CNOT10: variants seen among roughly 807,000 people sequenced by gnomAD.
CNOT10 encodes CCR4-NOT transcription complex, subunit 10.
CNOT10 carries 30 observed loss-of-function variants against 94.6 expected under a neutral mutation model. The observed-to-expected ratio is 0.32, with a 90% CI of 0.24 to 0.43. CNOT10 has a LOEUF of 0.43. Ranked by LOEUF, CNOT10 falls within the 20% of genes least tolerant of loss-of-function variation. CNOT10 has a pLI of 1.00. For synonymous variants in CNOT10, 289 were observed against 301.6 expected (o/e 0.96, Z 0.43); for missense variants, 759 against 877.2 (o/e 0.87, Z 1.70).
At position 32,773,687 on chromosome 3, in the gene CNOT10, A is replaced by G. The variant is rs951763041; in HGVS notation, c.*76A>G. 6.3e-6 allele frequency: 9 copies of G among 1,426,638 alleles called. No individual in the cohort carries two copies. The African/African-American group carries it at 1.2e-4, about 18-fold the overall frequency. 88.4% of individuals were successfully genotyped at this position (1,426,638 alleles called of 1,614,324 possible). The stretch of plus-strand genomic sequence containing the variant: ...GCCATTTTAGTTGTATCACAGCAGA[A>G]TGAATAAAAGATGGTGAAGGCTGTT... On this transcript the variant is annotated 3_prime_UTR_variant, in exon 19 of 19. Coordinates refer to ENST00000328834, the MANE Select transcript of CNOT10 (RefSeq NM_015442.3).
intron 7 of CNOT10, among the ~76,000 whole-genome samples, chr3:32,717,939 A>G (rs1015724527): frequency 6.6e-6 from 1 of 152,166 alleles, no homozygotes; most frequent in Non-Finnish European, 1.5e-5. Context: ...TGCCCCTTCC[A>G]AGTGACTTTT....
chr3:32,728,118 T>G (rs1698768039), intron 10 of CNOT10, among the ~76,000 whole-genome samples: 1 of 151,940 alleles, frequency 6.6e-6, no homozygotes, highest in Non-Finnish European at 1.5e-5. Context: ...TGCCTCAGCC[T>G]CCCAAATAGC....
rs189393528 is a variant in CNOT10 at position 32,705,164 on chromosome 3, T to C, written c.279+192T>C. Among the ~76,000 whole-genome samples the C allele has an allele frequency of 4.7e-4, 71 of 152,280 alleles. No individual in the cohort carries two copies. In the East Asian group the frequency reaches 0.011, roughly 23 times the overall value. The stretch of plus-strand genomic sequence containing the variant: ...TATGTTGTGGGATCATTTTTTTTAA[T>C]TGGGGTTTTAATGAACTTGAACAGA... On this transcript the variant is annotated intron_variant, in intron 3 of 18. Transcript: ENST00000328834.
intron 13 of CNOT10, among the ~76,000 whole-genome samples, chr3:32,739,115 A>C (rs1236344696): frequency 6.6e-6 from 1 of 152,068 alleles, no homozygotes; most frequent in Non-Finnish European, 1.5e-5. Context: ...CATGTTAGCC[A>C]GGCTGGTCTC....
At chr3:32,701,170 G>T (rs1208363625) in intron 1 of CNOT10, among the ~76,000 whole-genome samples, 1 of 152,224 alleles carries the variant, frequency 6.6e-6, no homozygotes, top group East Asian at 1.9e-4. Context: ...AGCTACTTGG[G>T]AGGCTGAGCC....
intron 13 of CNOT10, among the ~76,000 whole-genome samples, chr3:32,751,312 C>G (rs970037627): frequency 2.0e-5 from 3 of 151,944 alleles, no homozygotes; most frequent in African/African-American, 7.3e-5. Flanking sequence ...CACTGTATCG[C>G]CCAGGCTGGT....
chr3:32,721,481 G>A (rs1698407971), intron 8 of CNOT10, among the ~76,000 whole-genome samples: 1 of 108,476 alleles, frequency 9.2e-6, no homozygotes, highest in Non-Finnish European at 1.7e-5. Flanking sequence ...TACCAGAAAA[G>A]TGAGGCCTTT....
chr3:32,718,311 G>A (rs1361298323), intron 7 of CNOT10, among the ~76,000 whole-genome samples: 2 of 145,954 alleles, frequency 1.4e-5, no homozygotes, highest in South Asian at 2.2e-4. Flanking sequence ...CTAGCCAGGC[G>A]CGGTGGCTCA....
intron 13 of CNOT10, chr3:32,753,563 G>A (rs1700058334): frequency 6.3e-7 from 1 of 1,586,412 alleles, no homozygotes; most frequent in South Asian, 1.1e-5. Context: ...GAGGCTGTGA[G>A]ATGGGAAAAG....
intron 4 of CNOT10, among the ~76,000 whole-genome samples, chr3:32,711,008 A>G (rs1186855827): frequency 6.6e-6 from 1 of 152,204 alleles, no homozygotes; most frequent in Non-Finnish European, 1.5e-5. Flanking sequence ...GTGAACCACC[A>G]TGCCTAGCCA....
intron 4 of CNOT10, among the ~76,000 whole-genome samples, chr3:32,711,631 A>G (rs1373413517): frequency 6.6e-6 from 1 of 152,200 alleles, no homozygotes; most frequent in Non-Finnish European, 1.5e-5. Context: ...ATGAGATGGT[A>G]TTTGAAACGA....
intron 12 of CNOT10, among the ~76,000 whole-genome samples, chr3:32,735,928 C>T (rs374056332): frequency 1.3e-5 from 2 of 151,850 alleles, no homozygotes; most frequent in South Asian, 2.1e-4. Context: ...TAGCAAGACC[C>T]CATCTCTTCA....
rs778643520 is a variant in CNOT10, at chr3:32,773,707, G to A, written c.*96G>A. 25 of 1,317,118 alleles carry A rather than the reference G, an allele frequency of 1.9e-5. No homozygotes were observed. Among genetic ancestry groups the A allele is most frequent in the Non-Finnish European group, 2.5e-5 (25 of 981,192 alleles). 81.6% of individuals were successfully genotyped at this position (1,317,118 alleles called of 1,614,324 possible). On this transcript the variant is annotated 3_prime_UTR_variant, in exon 19 of 19. Transcript: ENST00000328834. ...GCAGAATGAATAAAAGATGGTGAAG[G>A]CTGTTAATTTTGAGTCAATTCTACC...
chr3:32,687,443 T>TTTTTTTG (rs1696658594), intron 1 of CNOT10, among the ~76,000 whole-genome samples: 9 of 60,358 alleles, frequency 1.5e-4, no homozygotes, highest in East Asian at 5.0e-4. Context: ...CTCACGGTTT[T>TTTTTTTG]TTTTTTTTGT....
intron 1 of CNOT10, among the ~76,000 whole-genome samples, chr3:32,686,691 CTGT>C (rs1696615623): frequency 6.6e-6 from 1 of 152,204 alleles, no homozygotes; most frequent in African/African-American, 2.4e-5. Flanking sequence ...ACGGCATGGC[CTGT>C]CCAAGGCTGG....
intron 13 of CNOT10, among the ~76,000 whole-genome samples, chr3:32,743,025 T>G (rs7609735): frequency 6.8e-6 from 1 of 147,536 alleles, no homozygotes; most frequent in Non-Finnish European, 1.5e-5. Flanking sequence ...TTGCCCTTGT[T>G]CCCCAGGCTG....
intron 13 of CNOT10, 149 bp from the exon 14 acceptor site, chr3:32,759,309 C>T: frequency 1.6e-6 from 1 of 613,250 alleles, no homozygotes; most frequent in Non-Finnish European, 2.9e-6. Context: ...ATACATCAAT[C>T]TAATTCTTAC....
chr3:32,725,422 T>C, intron 8 of CNOT10, 28 bp from the exon 9 acceptor site: 1 of 1,604,278 alleles, frequency 6.2e-7, no homozygotes, highest in Non-Finnish European at 8.5e-7. Context: ...AATTTTTCTG[T>C]GGACAAATTT....
chr3:32,772,614 T>C lies in CNOT10; in HGVS notation c.2081-843T>C, dbSNP rs1229729752. ...CTGGAGGCTGAGGCAGGAGAATTGC[T>C]TGAATCTGGGAGATGGAGGTTGCAG... On this transcript the variant is annotated intron_variant, in intron 18 of 18. Transcript: ENST00000328834. 3.3e-5 allele frequency among the ~76,000 whole-genome samples: 5 copies of C among 152,118 alleles called. No individual in the cohort carries two copies. The East Asian group carries it at 7.7e-4, about 24-fold the overall frequency.
Sources: gnomAD v4.1 joint callset for allele counts (sites outside exome capture counted in the v4.1 genomes callset) on GRCh38, gnomAD v4.1.1 for gene constraint, MANE v1.5 for transcripts, NCBI Gene and HGNC (gene_info 2026-07-23, HGNC 2026-07-21) for gene names.